Variants in SLC1A2 observed in about 807,000 individuals in gnomAD.
The protein encoded by SLC1A2 is excitatory amino acid transporter 2.
SLC1A2 carries 15 observed loss-of-function variants against 48.8 expected under a neutral mutation model. The ratio of observed to expected loss-of-function variants is 0.31; its 90% CI spans 0.21 to 0.47. SLC1A2 has a LOEUF of 0.47. SLC1A2 is among the 20% of genes least tolerant of loss of function. The pLI is 0.99. For synonymous variants in SLC1A2, 279 were observed against 272.6 expected (o/e 1.02, Z -0.23); for missense variants, 502 against 730.5 (o/e 0.69, Z 3.61).
chr11:35,366,064 C>G (rs1853838742), intron 1 of SLC1A2, among the ~76,000 whole-genome samples: 1 of 152,218 alleles, frequency 6.6e-6, no homozygotes, highest in Non-Finnish European at 1.5e-5. Context: ...ACACCCTGGT[C>G]TGGATGGTAG....
At chr11:35,401,833 A>T (rs1264140504) in intron 1 of SLC1A2, among the ~76,000 whole-genome samples, 1 of 152,134 alleles carries the variant, frequency 6.6e-6, no homozygotes, top group African/African-American at 2.4e-5. Context: ...TGGTGGGGGT[A>T]GACCCTCAGT....
intron 1 of SLC1A2, among the ~76,000 whole-genome samples, chr11:35,359,851 C>A (rs144348468): frequency 9.1e-4 from 139 of 152,332 alleles, no homozygotes; most frequent in African/African-American, 3.2e-3. Context: ...TTCACAGGAG[C>A]GAAATCACAT....
Position 35,347,519 on chromosome 11 carries a change from A to G in SLC1A2, c.18-30003T>C, listed in dbSNP as rs188349132. Among the ~76,000 whole-genome samples, 377 of 152,378 alleles carry G rather than the reference A, an allele frequency of 2.5e-3. 3 individuals carry two copies. The highest frequency in any genetic ancestry group is 8.7e-3 in the African/African-American group (361 of 41,584). ...CAAGGCTGAATCTTCACTTAAATCC[A>G]GATTCAAAGTGAATGAGTTCTATGA... On this transcript the variant is annotated intron_variant, in intron 1 of 10. Transcript: ENST00000278379.
At chr11:35,356,135 T>C (rs1853452367) in intron 1 of SLC1A2, among the ~76,000 whole-genome samples, 1 of 152,190 alleles carries the variant, frequency 6.6e-6, no homozygotes, top group African/African-American at 2.4e-5. Flanking sequence ...ATTCTAAAGA[T>C]TCTATAACTT....
Position 35,265,766 on chromosome 11 carries a change from C to T in SLC1A2, c.1422-8G>A. On this transcript the variant is annotated splice_region_variant and splice_polypyrimidine_tract_variant and intron_variant, in intron 9 of 10. Transcript: ENST00000278379. The stretch of plus-strand genomic sequence containing the variant: ...GAAGTTCTCATCCTGTCCCTGGGGA[C>T]AAAGAACAGAAAAGGTTCAGTGAGG... 1 of 1,581,172 alleles carries T rather than the reference C, an allele frequency of 6.3e-7. No homozygotes were observed. The highest frequency in any genetic ancestry group is 8.7e-7 in the Non-Finnish European group (1 of 1,151,916).
chr11:35,399,599 A>G (rs1047727863), intron 1 of SLC1A2: 16 of 984,504 alleles, frequency 1.6e-5, no homozygotes, highest in Non-Finnish European at 1.9e-5. Flanking sequence ...GCCTGCAGAT[A>G]GATGATGCGT....
intron 1 of SLC1A2, among the ~76,000 whole-genome samples, chr11:35,417,563 T>C (rs1001400972): frequency 5.9e-5 from 9 of 152,242 alleles, no homozygotes; most frequent in African/African-American, 2.2e-4. Flanking sequence ...CTAGTATCTA[T>C]TTCTAGAGAT....
intron 1 of SLC1A2, among the ~76,000 whole-genome samples, chr11:35,372,527 C>T (rs746275751): frequency 6.6e-6 from 1 of 152,182 alleles, no homozygotes; most frequent in Admixed American, 6.5e-5. Flanking sequence ...CAAACTTATT[C>T]TCAATAACCA....
chr11:35,406,834 T>A (rs540214615), intron 1 of SLC1A2, among the ~76,000 whole-genome samples: 4 of 152,036 alleles, frequency 2.6e-5, no homozygotes, highest in Non-Finnish European at 5.9e-5. Flanking sequence ...GGTTGTAGGA[T>A]ATATGAATCT....
intron 4 of SLC1A2, among the ~76,000 whole-genome samples, chr11:35,310,219 C>T (rs1851644703): frequency 6.6e-6 from 1 of 152,182 alleles, no homozygotes; most frequent in Admixed American, 6.5e-5. Context: ...TTCCCAGGCC[C>T]TCCTATGCTC....
chr11:35,416,648 C>G (rs1855610754), intron 1 of SLC1A2, among the ~76,000 whole-genome samples: 1 of 152,134 alleles, frequency 6.6e-6, no homozygotes, highest in African/African-American at 2.4e-5. Flanking sequence ...CAAAGTTGAA[C>G]TGAAAATATA....
chr11:35,305,618 A>G (rs1851477905), intron 5 of SLC1A2, among the ~76,000 whole-genome samples: 1 of 152,178 alleles, frequency 6.6e-6, no homozygotes, highest in Admixed American at 6.5e-5. Context: ...CTACTCCAAC[A>G]CTTTACAATC....
At chr11:35,344,267 T>A (rs556812243) in intron 1 of SLC1A2, among the ~76,000 whole-genome samples, 4 of 152,222 alleles carry the variant, frequency 2.6e-5, no homozygotes, top group Non-Finnish European at 4.4e-5. Flanking sequence ...TAAAGAACAA[T>A]GAAGCAATGT....
Position 35,270,606 on chromosome 11 carries a change from C to T in SLC1A2, c.1422-4848G>A, listed in dbSNP as rs551540611. On this transcript the variant is annotated intron_variant, in intron 9 of 10. Coordinates refer to ENST00000278379, the MANE Select transcript of SLC1A2 (RefSeq NM_004171.4). ...CCACGTACTGTTTATTTGTCTACCTCCTCCACTAGAGTGAGATAAATGTTC... is the reference window on the plus strand; with the variant it reads ...CCACGTACTGTTTATTTGTCTACCTTCTCCACTAGAGTGAGATAAATGTTC... Among the ~76,000 whole-genome samples the T allele has an allele frequency of 2.0e-5, 3 of 152,304 alleles. No individual in the cohort carries two copies. The East Asian group carries it at 5.8e-4, about 29-fold the overall frequency.
chr11:35,286,643 C>T (rs1187316505), intron 8 of SLC1A2, 114 bp downstream of exon 8: 1 of 715,812 alleles, frequency 1.4e-6, no homozygotes, highest in Non-Finnish European at 2.2e-6. Flanking sequence ...TTTTTTATTA[C>T]CTTCATTGTC....
At chr11:35,348,093 C>A (rs775680126) in intron 1 of SLC1A2, among the ~76,000 whole-genome samples, 1 of 152,212 alleles carries the variant, frequency 6.6e-6, no homozygotes, top group Non-Finnish European at 1.5e-5. Flanking sequence ...GCCCAGCCCA[C>A]AGACACTATC....
chr11:35,301,739 T>A, intron 5 of SLC1A2, 94 bp from the exon 6 acceptor site: 1 of 1,145,244 alleles, frequency 8.7e-7, no homozygotes, highest in South Asian at 1.4e-5. Flanking sequence ...TGGAGCCATG[T>A]TCTCACTGCT....
chr11:35,369,647 G>T (rs1853991073), intron 1 of SLC1A2, among the ~76,000 whole-genome samples: 1 of 152,172 alleles, frequency 6.6e-6, no homozygotes. Flanking sequence ...TCCCTAAAAA[G>T]AACTTAGAAT....
intron 9 of SLC1A2, among the ~76,000 whole-genome samples, chr11:35,272,121 G>A (rs115937031): frequency 0.012 from 1,828 of 152,244 alleles, 39 homozygotes; most frequent in African/African-American, 0.041. Flanking sequence ...AATGAGAAGA[G>A]GTTGGTGGGG....
Sources: allele counts gnomAD v4.1 joint callset (sites outside exome capture counted in the v4.1 genomes callset), GRCh38; gene constraint gnomAD v4.1.1; transcripts MANE v1.5; gene names NCBI Gene and HGNC (gene_info 2026-07-23, HGNC 2026-07-21).